The following GRK1 variants were observed in gnomAD, a reference collection of about 807,000 sequenced individuals.
GRK1 encodes the protein rhodopsin kinase GRK1.
In GRK1, 28 loss-of-function variants were observed where a neutral mutation model predicts 41.7. The ratio of observed to expected loss-of-function variants is 0.67; its 90% CI spans 0.50 to 0.92. The LOEUF is 0.92. Among genes scored for constraint, GRK1 ranks in the 40% least tolerant of loss-of-function variants. GRK1 has a pLI of 0.00. For missense variants in GRK1, 703 were observed against 671.2 expected, an observed-to-expected ratio of 1.05 and a Z score of -0.52; for synonymous variants, 327 against 286.7, an observed-to-expected ratio of 1.14 and a Z score of -1.42.
At chr13:113,652,601 G>T in the GRK1 span, 2 of 517,728 alleles carry the variant, frequency 3.9e-6, no homozygotes, top group East Asian at 3.7e-5. Context: ...CCTGAAGGGG[G>T]CCCTGGCCTT....
chr13:113,656,382 G>A, the GRK1 span, among the ~76,000 whole-genome samples: 1 of 152,200 alleles, frequency 6.6e-6, no homozygotes, highest in Middle Eastern at 3.2e-3. Context: ...TCTCCCCAGT[G>A]GCTGCTGACC....
At chr13:113,649,386 C>A in the GRK1 span, 1 of 1,594,602 alleles carries the variant, frequency 6.3e-7, no homozygotes, top group South Asian at 1.1e-5. This position sits in a 1 kb window ranked among gnomAD's most constrained non-coding sequence, Gnocchi z 4.7. Context: ...ACTTCTCAAT[C>A]TTGAGTTTGA....
At chr13:113,733,568 T>C (rs937989875) in intron 6 of GRK1, among the ~76,000 whole-genome samples, 1 of 150,936 alleles carries the variant, frequency 6.6e-6, no homozygotes, top group Non-Finnish European at 1.5e-5. Flanking sequence ...TGTCCATGTA[T>C]GTGTATGTGT....
At chr13:113,733,945 CGTGTGTGT>C (rs1409669587) in intron 6 of GRK1, among the ~76,000 whole-genome samples, 77 of 80,378 alleles carry the variant, frequency 9.6e-4, no homozygotes, top group Non-Finnish European at 5.1e-4. Flanking sequence ...TACGTGTGTG[CGTGTGTGT>C]GCATACGTGT....
chr13:113,733,380 G>A (rs536433699), intron 6 of GRK1, among the ~76,000 whole-genome samples: 9 of 152,376 alleles, frequency 5.9e-5, no homozygotes, highest in Admixed American at 4.6e-4. Flanking sequence ...GGTGCTGGAG[G>A]GAGCCCAAGA....
At position 113,671,590 on chromosome 13, in the gene GRK1, C is replaced by G; in HGVS notation, c.919C>G (p.His307Asp). ...GGCGCAGATCATCTGCGGCCTGGAGCACCTGCACCAGAGGCGGATCGTCTA... is the reference window on the plus strand; with the variant it reads ...GGCGCAGATCATCTGCGGCCTGGAGGACCTGCACCAGAGGCGGATCGTCTA... ...YTAQIICGLE[H>D]LHQRRIVYRD... Residue 307 changes from histidine to aspartate, a missense_variant, in exon 3 of 7, where the codon CAC becomes GAC. Coordinates refer to ENST00000335678, the MANE Select transcript of GRK1 (RefSeq NM_002929.3). The surrounding 1 kb of genome is among the most constrained non-coding windows in gnomAD (Gnocchi z 4.1). 2 of 775,394 alleles carry G rather than the reference C, an allele frequency of 2.6e-6. No homozygotes were observed. Among genetic ancestry groups the G allele is most frequent in the Non-Finnish European group, 4.8e-6 (2 of 417,934 alleles). The allele number at this position is 775,394 out of a possible 1,614,324, so 48.0% of individuals were successfully genotyped here.
the GRK1 span, chr13:113,650,481 C>T: frequency 1.5e-5 from 24 of 1,613,504 alleles, no homozygotes; most frequent in Admixed American, 5.0e-5. The surrounding 1 kb of genome is among the most constrained non-coding windows in gnomAD (Gnocchi z 5.0). Context: ...TGACCTGCAG[C>T]GGCTGGCCGA....
chr13:113,729,150 C>T (rs2049915255), intron 4 of GRK1, among the ~76,000 whole-genome samples: 1 of 152,156 alleles, frequency 6.6e-6, no homozygotes, highest in South Asian at 2.1e-4. Flanking sequence ...GCAAACTAGA[C>T]ATATGTGAGC....
Position 113,731,145 on chromosome 13 carries a change from G to T in GRK1, c.1070-74G>T, listed in dbSNP as rs1239566868. On this transcript the variant is annotated intron_variant, in intron 4 of 6. Transcript: ENST00000335678. The surrounding 1 kb of genome is among the most constrained non-coding windows in gnomAD (Gnocchi z 5.6). ...GGGGGGATGCATCCCCAGAGCATCA[G>T]TCCTGCGATTCCTGGAGTGCGTGCC... 1 of 1,503,220 alleles carries T rather than the reference G, an allele frequency of 6.7e-7. No homozygotes were observed. Among genetic ancestry groups the T allele is most frequent in the African/African-American group, 1.4e-5 (1 of 72,446 alleles). The allele number at this position is 1,503,220 out of a possible 1,614,324, so 93.1% of individuals were successfully genotyped here. A position where few individuals can be genotyped will look rare whatever the true frequency, so the allele number is the denominator to read the frequency against.
At chr13:113,733,822 CGTGTGT>C (rs762574846) in intron 6 of GRK1, among the ~76,000 whole-genome samples, 1 of 93,564 alleles carries the variant, frequency 1.1e-5, no homozygotes, top group Non-Finnish European at 2.1e-5. Flanking sequence ...TACGTGTGTG[CGTGTGT>C]GTGCACGTGC....
the GRK1 span, chr13:113,653,165 T>C: frequency 6.8e-7 from 1 of 1,472,854 alleles, no homozygotes; most frequent in East Asian, 2.3e-5. Flanking sequence ...AGTGCGAGTT[T>C]CTCATGAAAT....
At chr13:113,651,632 T>C in the GRK1 span, 4 of 1,557,762 alleles carry the variant, frequency 2.6e-6, no homozygotes, top group Non-Finnish European at 3.5e-6. Flanking sequence ...ACAAGCTCCT[T>C]TCCTGGGGCA....
At chr13:113,723,435 GCA>G (rs1396124168) in intron 4 of GRK1, among the ~76,000 whole-genome samples, 2 of 152,040 alleles carry the variant, frequency 1.3e-5, no homozygotes, top group Non-Finnish European at 2.9e-5. Context: ...GGTGGTCGCC[GCA>G]CAGTTTGGTT....
the GRK1 span, chr13:113,657,990 C>T: frequency 2.7e-6 from 4 of 1,486,118 alleles, no homozygotes; most frequent in African/African-American, 1.4e-5. Context: ...GTCCTCAGAG[C>T]GGCCCCCTCC....
In GRK1 at chr13:113,731,055, A is replaced by G. The variant is rs1191071723; in HGVS notation, c.1070-164A>G. The G allele has an allele frequency of 1.2e-5, 7 of 576,298 alleles. No homozygotes were observed. The highest frequency in any genetic ancestry group is 1.5e-5 in the Non-Finnish European group (7 of 456,530). 35.7% of individuals were successfully genotyped at this position (576,298 alleles called of 1,614,324 possible). ...CTGGGGTGCTGCTTGGCACCCAGTAACACACAGGGCAGCCCCTCCACAAAG... is the reference window on the plus strand; with the variant it reads ...CTGGGGTGCTGCTTGGCACCCAGTAGCACACAGGGCAGCCCCTCCACAAAG... On this transcript the variant is annotated intron_variant, in intron 4 of 6. Transcript: ENST00000335678. The surrounding 1 kb of genome is among the most constrained non-coding windows in gnomAD (Gnocchi z 5.6).
At chr13:113,729,053 G>A (rs2049914543) in intron 4 of GRK1, among the ~76,000 whole-genome samples, 1 of 152,196 alleles carries the variant, frequency 6.6e-6, no homozygotes, top group Non-Finnish European at 1.5e-5. Context: ...GGCTGCCTCA[G>A]AGTCAGGCCG....
the GRK1 span, among the ~76,000 whole-genome samples, chr13:113,658,433 G>A: frequency 3.9e-5 from 6 of 152,226 alleles, no homozygotes; most frequent in East Asian, 3.9e-4. Context: ...CTCTGATTGC[G>A]GTGAGGGCAC....
chr13:113,652,507 T>C, the GRK1 span, among the ~76,000 whole-genome samples: 1 of 152,218 alleles, frequency 6.6e-6, no homozygotes, highest in Admixed American at 6.5e-5. Context: ...GTTGGAAGCC[T>C]CTGCTTTAGA....
intron 5 of GRK1, 89 bp from the exon 6 acceptor site, chr13:113,732,795 C>CG: frequency 7.2e-7 from 1 of 1,396,846 alleles, no homozygotes; most frequent in South Asian, 1.3e-5. Context: ...CGTGGGTGAG[C>CG]GGTGGCTCTT....
Sources: gnomAD v4.1 joint callset for allele counts (sites outside exome capture counted in the v4.1 genomes callset) on GRCh38, gnomAD v4.1.1 for gene constraint, Gnocchi (gnomAD v3.1) non-coding constraint, MANE v1.5 for transcripts, NCBI Gene and HGNC (gene_info 2026-07-23, HGNC 2026-07-21) for gene names.